The following STS variants were observed in gnomAD, a reference collection of about 807,000 sequenced individuals.
The protein encoded by STS is steroid sulfatase, also known as steryl-sulfatase.
Under a neutral mutation model 26.8 loss-of-function variants are expected in STS, and 7 were observed. That is an observed-to-expected ratio of 0.26 (90% CI 0.15 to 0.49). The LOEUF is 0.49. Ranked by LOEUF, STS falls within the 20% of genes least tolerant of loss-of-function variation. STS has a pLI of 0.98. For synonymous variants in STS, 199 were observed against 189.4 expected (o/e 1.05, Z -0.42); for missense variants, 434 against 465.6 (o/e 0.93, Z 0.63).
intron 8 of STS, among the ~76,000 whole-genome samples, chrX:7,309,460 G>T (rs1467352474): frequency 9.0e-6 from 1 of 110,797 alleles, no homozygotes; most frequent in Non-Finnish European, 1.9e-5. Context: ...TAATACCTGT[G>T]TGATTAAATA....
At chrX:7,345,151 C>G (rs918700602) in intron 10 of STS, among the ~76,000 whole-genome samples, 1 of 110,997 alleles carries the variant, frequency 9.0e-6, no homozygotes, top group Admixed American at 9.7e-5. Context: ...CGGACCAAAC[C>G]GAGGGTAGGA....
At chrX:7,326,537 C>T (rs1927484698) in intron 9 of STS, among the ~76,000 whole-genome samples, 1 of 111,734 alleles carries the variant, frequency 8.9e-6, no homozygotes, top group Non-Finnish European at 1.9e-5. Flanking sequence ...GGGTCCCCAG[C>T]TAAGGCCCCA....
chrX:7,280,883 T>C (rs1184563328), intron 7 of STS, among the ~76,000 whole-genome samples: 1 of 112,957 alleles, frequency 8.9e-6, no homozygotes, highest in African/African-American at 3.2e-5. Context: ...AACAAATCTC[T>C]GGCTTCCAAT....
chrX:7,269,221 C>G (rs1203969669), intron 6 of STS, among the ~76,000 whole-genome samples: 1 of 92,028 alleles, frequency 1.1e-5, no homozygotes, highest in Non-Finnish European at 2.1e-5. Flanking sequence ...CATATTGTAA[C>G]AATACAGGTA....
At chrX:7,249,612 C>T (rs1386166478) in intron 2 of STS, among the ~76,000 whole-genome samples, 1 of 111,651 alleles carries the variant, frequency 9.0e-6, no homozygotes, top group East Asian at 2.8e-4. Flanking sequence ...ACTGAAGTCT[C>T]CACCATGTGG....
At chrX:7,151,998 G>C (rs1337589569) in intron 1 of STS, among the ~76,000 whole-genome samples, 1 of 111,101 alleles carries the variant, frequency 9.0e-6, no homozygotes, top group Admixed American at 9.5e-5. Flanking sequence ...TTTCGCCCAG[G>C]CTGGAGTACA....
intron 2 of STS, among the ~76,000 whole-genome samples, chrX:7,239,042 A>G (rs1376433233): frequency 3.6e-5 from 4 of 111,246 alleles, no homozygotes; most frequent in African/African-American, 1.3e-4. Flanking sequence ...AATGAATTCA[A>G]CTATACTAGG....
At chrX:7,238,895 A>T (rs1190345050) in intron 2 of STS, among the ~76,000 whole-genome samples, 3 of 111,265 alleles carry the variant, frequency 2.7e-5, no homozygotes, top group African/African-American at 9.8e-5. Context: ...ATCTTCACAC[A>T]TGCAACACTT....
At chrX:7,262,890 G>A (rs896634639) in intron 6 of STS, among the ~76,000 whole-genome samples, 1 of 111,959 alleles carries the variant, frequency 8.9e-6, no homozygotes, top group Admixed American at 9.5e-5. Context: ...TATGTGAGTG[G>A]AGGTTGAAGG....
intron 7 of STS, among the ~76,000 whole-genome samples, chrX:7,288,694 C>T (rs1417416884): frequency 2.0e-5 from 2 of 99,606 alleles, no homozygotes; most frequent in African/African-American, 7.5e-5. Context: ...CTGTGATGGA[C>T]CATGTGTTAT....
chrX:7,172,057 C>T (rs187340417), intron 1 of STS, among the ~76,000 whole-genome samples: 4 of 111,698 alleles, frequency 3.6e-5, no homozygotes, highest in East Asian at 2.8e-4. Context: ...TTCTTCAAGC[C>T]CACTGCTGTG....
In STS at chrX:7,244,848, C is replaced by T. The variant is rs772219273; in HGVS notation, c.-4-8348C>T. On this transcript the variant is annotated intron_variant, in intron 2 of 10. Transcript: ENST00000674429. ...CTGAGGTCCCTAAGTCAAATATCAA[C>T]TCATGATAAAAACATGTTCTCATGT... Among the ~76,000 whole-genome samples the T allele has an allele frequency of 4.6e-4, 51 of 111,910 alleles. 1 individual carries two copies. The highest frequency in any genetic ancestry group is 1.7e-3 in the African/African-American group (51 of 30,802).
chrX:7,318,492 TA>T (rs1926820559), intron 8 of STS, among the ~76,000 whole-genome samples: 1 of 111,890 alleles, frequency 8.9e-6, no homozygotes, highest in African/African-American at 3.3e-5. Flanking sequence ...TATCATCTGT[TA>T]AAAAAATTTT....
rs753764263 is a variant in STS at position 7,180,655 on chromosome X, G to C, written c.-133-10225G>C. Reference sequence around the variant, plus strand: ...CAAAAATTGGACATTGATGTCCTGAGGTTACTTCTGCCTGTAAAACTAGGT... The same window carrying C: ...CAAAAATTGGACATTGATGTCCTGACGTTACTTCTGCCTGTAAAACTAGGT... On this transcript the variant is annotated intron_variant, in intron 1 of 10. Coordinates refer to ENST00000674429, the MANE Select transcript of STS (RefSeq NM_001320752.2). Among the ~76,000 whole-genome samples, 7 of 111,787 alleles carry C rather than the reference G, an allele frequency of 6.3e-5. No individual in the cohort carries two copies. In the East Asian group the frequency reaches 2.0e-3, roughly 32 times the overall value.
intron 2 of STS, among the ~76,000 whole-genome samples, chrX:7,209,120 G>A (rs1474217413): frequency 9.0e-6 from 1 of 111,094 alleles, no homozygotes; most frequent in Non-Finnish European, 1.9e-5. Flanking sequence ...GGCTGTGGGC[G>A]CCTCGGGCCT....
chrX:7,350,848 T>C lies in STS; in HGVS notation c.*587T>C, dbSNP rs1481026773. On this transcript the variant is annotated 3_prime_UTR_variant, in exon 11 of 11. Transcript: ENST00000674429. ...GCAAGTCATTATTACTGGTATTAGT[T>C]AAAACACATATCAAATGCTTGCTCT... 1 of 114,449 alleles carries C rather than the reference T, an allele frequency of 8.7e-6. No homozygotes were observed. The highest frequency in any genetic ancestry group is 1.8e-5 in the Non-Finnish European group (1 of 54,815). The allele number at this position is 114,449 out of a possible 1,213,427, so 9.4% of individuals were successfully genotyped here.
chrX:7,219,570 A>T, intron 2 of STS: 1 of 1,208,699 alleles, frequency 8.3e-7, no homozygotes, highest in South Asian at 1.8e-5. Flanking sequence ...GAATATGCTT[A>T]TTAAACTCCC....
intron 6 of STS, among the ~76,000 whole-genome samples, chrX:7,275,671 T>G (rs1388498397): frequency 1.8e-5 from 2 of 111,231 alleles, no homozygotes; most frequent in African/African-American, 6.5e-5. Context: ...AATTTTCTAT[T>G]AAATCTCTTC....
chrX:7,335,501 G>A (rs1269041887), intron 10 of STS, among the ~76,000 whole-genome samples: 8 of 112,048 alleles, frequency 7.1e-5, no homozygotes, highest in Non-Finnish European at 1.3e-4. Context: ...GTAGATTCTG[G>A]ATATTAGCCC....
Sources: gnomAD v4.1 joint callset for allele counts (sites outside exome capture counted in the v4.1 genomes callset) on GRCh38, gnomAD v4.1.1 for gene constraint, MANE v1.5 for transcripts, NCBI Gene and HGNC (gene_info 2026-07-23, HGNC 2026-07-21) for gene names.